CPEB3: variants seen among roughly 807,000 people sequenced by gnomAD.
The protein encoded by CPEB3 is cytoplasmic polyadenylation element binding protein 3.
In CPEB3, 20 loss-of-function variants were observed where a neutral mutation model predicts 67.2. The observed-to-expected ratio is 0.30, with a 90% CI of 0.21 to 0.43. The LOEUF (loss-of-function observed/expected upper bound fraction) is 0.43. Ranked by LOEUF, CPEB3 falls within the 20% of genes least tolerant of loss-of-function variation. CPEB3 has a pLI of 1.00. For missense variants in CPEB3, 746 were observed against 968.6 expected, an observed-to-expected ratio of 0.77 and a Z score of 3.05; for synonymous variants, 376 against 393.1, an observed-to-expected ratio of 0.96 and a Z score of 0.51.
intron 6 of CPEB3, among the ~76,000 whole-genome samples, chr10:92,126,765 T>C (rs183710775): frequency 6.6e-6 from 1 of 152,322 alleles, no homozygotes; most frequent in Non-Finnish European, 1.5e-5. Context: ...GTATAAACTA[T>C]TGGTCTGTCA....
chr10:92,188,348 A>C (rs1191840603), intron 3 of CPEB3, among the ~76,000 whole-genome samples: 1 of 149,692 alleles, frequency 6.7e-6, no homozygotes, highest in Non-Finnish European at 1.5e-5. Context: ...AAAAAAAAAA[A>C]AAAACCCAGG....
intron 6 of CPEB3, chr10:92,119,072 G>T (rs80023843): frequency 6.3e-7 from 1 of 1,580,316 alleles, no homozygotes; most frequent in Non-Finnish European, 8.7e-7. Context: ...GTGAGACCTA[G>T]GAAAAGGCCT....
chr10:92,253,161 T>C lies in CPEB3; in HGVS notation c.-11-12800A>G, dbSNP rs370898683. On this transcript the variant is annotated intron_variant, in intron 1 of 9. Coordinates refer to ENST00000265997, the MANE Select transcript of CPEB3 (RefSeq NM_014912.5). Reference sequence around the variant, plus strand: ...CTGTTTGTTGAACTGGGTGTTCACTTTGAAAATTCAGAAAACTAGGCTGGG... The same window carrying C: ...CTGTTTGTTGAACTGGGTGTTCACTCTGAAAATTCAGAAAACTAGGCTGGG... 6.6e-5 allele frequency among the ~76,000 whole-genome samples: 10 copies of C among 152,212 alleles called. No individual in the cohort carries two copies. The East Asian group carries it at 1.9e-3, about 29-fold the overall frequency.
rs1843560072 is a variant in CPEB3 at position 92,090,283 on chromosome 10, G to A, written c.1687+1547C>T. The stretch of plus-strand genomic sequence containing the variant: ...TGGCTGGGCGTGGTGGCTCACGCCT[G>A]TAATCCCAACTACTTTGGGAGGCTG... On this transcript the variant is annotated intron_variant, in intron 8 of 9. Transcript: ENST00000265997. 2.6e-5 allele frequency among the ~76,000 whole-genome samples: 4 copies of A among 152,208 alleles called. No individual in the cohort carries two copies. In the South Asian group the frequency reaches 8.3e-4, roughly 32 times the overall value.
chr10:92,066,659 C>T (rs1292380290), intron 9 of CPEB3, among the ~76,000 whole-genome samples: 1 of 152,112 alleles, frequency 6.6e-6, no homozygotes, highest in African/African-American at 2.4e-5. Context: ...GCCTAAAAAC[C>T]ACCGTAACCT....
chr10:92,201,060 G>A (rs1052084694), intron 2 of CPEB3, among the ~76,000 whole-genome samples: 8 of 152,094 alleles, frequency 5.3e-5, no homozygotes, highest in African/African-American at 1.9e-4. Context: ...AATTTAAAAA[G>A]GAGTGATTTT....
intron 2 of CPEB3, among the ~76,000 whole-genome samples, chr10:92,211,536 ATT>A (rs200179192): frequency 4.3e-4 from 60 of 140,732 alleles, no homozygotes; most frequent in African/African-American, 9.6e-4. Context: ...ATATATCATA[ATT>A]TTTTTTTTTT....
chr10:92,287,891 C>A (rs574479043), intron 1 of CPEB3, among the ~76,000 whole-genome samples: 71 of 152,270 alleles, frequency 4.7e-4, no homozygotes, highest in African/African-American at 1.6e-3. Context: ...TTCTCCCCAA[C>A]TCCTTCAGCC....
chr10:92,180,989 C>T lies in CPEB3; in HGVS notation c.1196G>A (p.Gly399Glu). 6.6e-7 allele frequency: 1 copy of T among 1,521,096 alleles called. No individual in the cohort carries two copies. Among genetic ancestry groups the T allele is most frequent in the Non-Finnish European group, 9.1e-7 (1 of 1,096,570 alleles). The allele number at this position is 1,521,096 out of a possible 1,614,324, so 94.2% of individuals were successfully genotyped here. Residue 399 changes from glycine to glutamate, a missense_variant, in exon 4 of 10, where the codon GGA becomes GAA. Coordinates refer to ENST00000265997, the MANE Select transcript of CPEB3 (RefSeq NM_014912.5). ...GTTAAGTGCCATAATATTATCTGTT[C>T]CTGGATGATGGAAATTTATCCCCAT... is the stretch of plus-strand genomic sequence containing the variant. ...GRMGINFHHPGTDNIMALNNA... is the reference protein window; with the variant it reads ...GRMGINFHHPETDNIMALNNA...
chr10:92,245,377 T>A (rs10882038), intron 1 of CPEB3, among the ~76,000 whole-genome samples: 1 of 151,524 alleles, frequency 6.6e-6, no homozygotes, highest in African/African-American at 2.4e-5. Context: ...ACCTCGTGAT[T>A]TGCCCACCTC....
chr10:92,171,170 C>T (rs1420540829), intron 4 of CPEB3, among the ~76,000 whole-genome samples: 3 of 152,140 alleles, frequency 2.0e-5, no homozygotes, highest in African/African-American at 7.2e-5. Flanking sequence ...AAGGAATTGA[C>T]CTGGACATTT....
intron 2 of CPEB3, among the ~76,000 whole-genome samples, chr10:92,205,949 A>G (rs1176197885): frequency 1.3e-5 from 2 of 152,180 alleles, no homozygotes; most frequent in African/African-American, 2.4e-5. Flanking sequence ...AATGGAAAGC[A>G]TCCACATTTA....
chr10:92,140,630 G>C (rs1176273516), intron 6 of CPEB3, among the ~76,000 whole-genome samples: 2 of 149,546 alleles, frequency 1.3e-5, no homozygotes, highest in Non-Finnish European at 3.0e-5. Context: ...ATTGACAAAT[G>C]GGATCTAATT....
At chr10:92,283,101 T>C (rs1224360468) in intron 1 of CPEB3, among the ~76,000 whole-genome samples, 1 of 151,862 alleles carries the variant, frequency 6.6e-6, no homozygotes, top group African/African-American at 2.4e-5. Context: ...AAATACAAAA[T>C]ATTATCTGGG....
intron 9 of CPEB3, among the ~76,000 whole-genome samples, chr10:92,055,514 C>T (rs935673750): frequency 1.3e-5 from 2 of 152,088 alleles, no homozygotes; most frequent in Admixed American, 6.5e-5. Context: ...GGAGACATTA[C>T]GAACATTCTT....
intron 1 of CPEB3, among the ~76,000 whole-genome samples, chr10:92,248,249 T>C (rs1852150423): frequency 1.3e-5 from 2 of 152,264 alleles, no homozygotes; most frequent in Admixed American, 6.5e-5. Flanking sequence ...GTAAGTGTTA[T>C]GTAAATAGTT....
At chr10:92,265,440 C>T (rs928390389) in intron 1 of CPEB3, among the ~76,000 whole-genome samples, 5 of 152,042 alleles carry the variant, frequency 3.3e-5, no homozygotes, top group African/African-American at 4.8e-5. Context: ...TAGTCTTAGC[C>T]TTATGAAAAA....
chr10:92,264,500 A>ATC (rs934011501), intron 1 of CPEB3, among the ~76,000 whole-genome samples: 11 of 152,130 alleles, frequency 7.2e-5, no homozygotes, highest in African/African-American at 2.4e-5. Flanking sequence ...TTTGCATACA[A>ATC]TCAGGCCTCT....
At chr10:92,114,052 A>G (rs1844880620) in intron 6 of CPEB3, among the ~76,000 whole-genome samples, 3 of 152,156 alleles carry the variant, frequency 2.0e-5, no homozygotes, top group Admixed American at 2.0e-4. Flanking sequence ...ATTTTCTGTA[A>G]TGGCAATATT....
Sources: allele counts gnomAD v4.1 joint callset (sites outside exome capture counted in the v4.1 genomes callset), GRCh38; gene constraint gnomAD v4.1.1; transcripts MANE v1.5; gene names NCBI Gene and HGNC (gene_info 2026-07-23, HGNC 2026-07-21).